Variants in MALRD1 observed in about 807,000 individuals in gnomAD.
MALRD1 encodes MAM and LDL receptor class A domain containing 1.
In MALRD1, 247 loss-of-function variants were observed where a neutral mutation model predicts 242.1. That is an observed-to-expected ratio of 1.02 (90% confidence interval 0.92 to 1.13). The LOEUF is 1.13. MALRD1 is among the 50% of genes most tolerant of loss of function. The probability of loss-of-function intolerance (pLI) is 0.00; values close to 1 mark genes in which losing one functional copy is unlikely to be tolerated. For missense variants in MALRD1, 2,989 were observed against 2,533.1 expected, an observed-to-expected ratio of 1.18 and a Z score of -3.86; for synonymous variants, 995 against 866.6, an observed-to-expected ratio of 1.15 and a Z score of -2.60.
At chr10:19,290,723 C>G (rs2027120) in intron 21 of MALRD1, among the ~76,000 whole-genome samples, 1 of 152,104 alleles carries the variant, frequency 6.6e-6, no homozygotes, top group Non-Finnish European at 1.5e-5. Context: ...TGTGAGTTCT[C>G]TTCAGCTGAG....
In MALRD1 at chr10:19,243,072, T is replaced by G. The variant is rs529938042; in HGVS notation, c.2992-14612T>G. On this transcript the variant is annotated intron_variant, in intron 18 of 39. Transcript: ENST00000454679. ...GCTTTGTTTCTTTTCCCTTTTTTTT[T>G]TTTGTGTGTGTATCCGCTGTAATTT... Among the ~76,000 whole-genome samples, 598 of 140,398 alleles carry G rather than the reference T, an allele frequency of 4.3e-3. 4 individuals are homozygous for G. The highest frequency in any genetic ancestry group is 0.011 in the African/African-American group (403 of 36,028). 92.1% of individuals were successfully genotyped at this position (140,398 alleles called of 152,430 possible).
intron 2 of MALRD1, among the ~76,000 whole-genome samples, chr10:19,083,625 C>G (rs779209549): frequency 6.6e-5 from 10 of 151,788 alleles, no homozygotes; most frequent in Admixed American, 2.0e-4. Context: ...TTCAGAGAAC[C>G]AAAAGACAGG....
intron 14 of MALRD1, among the ~76,000 whole-genome samples, chr10:19,202,636 T>C (rs1836588836): frequency 1.3e-5 from 2 of 152,194 alleles, no homozygotes; most frequent in South Asian, 4.1e-4. Context: ...GGTGTGTCTA[T>C]GCGTTTTATT....
chr10:19,176,712 T>G (rs138148805), intron 14 of MALRD1, among the ~76,000 whole-genome samples: 1 of 152,212 alleles, frequency 6.6e-6, no homozygotes, highest in East Asian at 1.9e-4. Context: ...TGTATTTACT[T>G]TATTCAGAAT....
intron 36 of MALRD1, among the ~76,000 whole-genome samples, chr10:19,651,286 T>A (rs911856315): frequency 2.6e-5 from 4 of 152,210 alleles, no homozygotes; most frequent in African/African-American, 9.6e-5. Context: ...TATGTTGGGA[T>A]GTGCTATGGT....
rs1833728217 is a variant in MALRD1 at position 19,146,412 on chromosome 10, G to T, written c.1558+68G>T. On this transcript the variant is annotated intron_variant, in intron 11 of 39. Coordinates refer to ENST00000454679, the MANE Select transcript of MALRD1 (RefSeq NM_001142308.3). ...GCATGTTGTGGAATGATGATACTGTGTATTTTCATTTCTATTCTGTAGACT... is the reference window on the plus strand; with the variant it reads ...GCATGTTGTGGAATGATGATACTGTTTATTTTCATTTCTATTCTGTAGACT... 5 of 1,170,708 alleles carry T rather than the reference G, an allele frequency of 4.3e-6. No individual in the cohort carries two copies. In the Admixed American group the frequency reaches 1.3e-4, roughly 30 times the overall value. 72.5% of individuals were successfully genotyped at this position (1,170,708 alleles called of 1,614,324 possible).
intron 33 of MALRD1, among the ~76,000 whole-genome samples, chr10:19,591,995 A>C (rs1190952959): frequency 6.6e-6 from 1 of 152,230 alleles, no homozygotes; most frequent in Non-Finnish European, 1.5e-5. Context: ...TGAATGAAGG[A>C]CTGCCTCTTG....
At chr10:19,400,979 G>A (rs1846812901) in intron 28 of MALRD1, among the ~76,000 whole-genome samples, 1 of 152,092 alleles carries the variant, frequency 6.6e-6, no homozygotes, top group African/African-American at 2.4e-5. Context: ...TTGTGCCACT[G>A]CACTCTAGCC....
chr10:19,645,077 A>G (rs776804698), intron 36 of MALRD1, among the ~76,000 whole-genome samples: 5 of 152,188 alleles, frequency 3.3e-5, no homozygotes, highest in Non-Finnish European at 7.3e-5. Context: ...TCTCATTTTC[A>G]TAGTGTCATT....
intron 29 of MALRD1, among the ~76,000 whole-genome samples, chr10:19,474,778 G>C (rs558417507): frequency 6.6e-6 from 1 of 151,980 alleles, no homozygotes; most frequent in Admixed American, 6.6e-5. Flanking sequence ...TATAAATCAA[G>C]AACTGTTTTG....
chr10:19,429,756 C>G (rs1310963471), intron 28 of MALRD1, among the ~76,000 whole-genome samples: 1 of 152,108 alleles, frequency 6.6e-6, no homozygotes, highest in Admixed American at 6.5e-5. Context: ...TCATATTGAT[C>G]AGTTCCATTA....
At chr10:19,713,402 G>A (rs1312865300) in intron 38 of MALRD1, among the ~76,000 whole-genome samples, 1 of 152,196 alleles carries the variant, frequency 6.6e-6, no homozygotes, top group Non-Finnish European at 1.5e-5. Context: ...TATAGTTGGA[G>A]CTCAAATAAT....
intron 29 of MALRD1, among the ~76,000 whole-genome samples, chr10:19,471,825 G>C (rs1364866298): frequency 6.6e-6 from 1 of 151,360 alleles, no homozygotes; most frequent in Non-Finnish European, 1.5e-5. Context: ...TTTTCTTTGT[G>C]GATTCTTCAG....
At chr10:19,203,705 A>G in intron 14 of MALRD1, 23 bp from the exon 15 acceptor site, 1 of 1,506,540 alleles carries the variant, frequency 6.6e-7, no homozygotes, top group Non-Finnish European at 8.9e-7. Context: ...AGCCAACATA[A>G]GAGCCACATT....
intron 36 of MALRD1, among the ~76,000 whole-genome samples, chr10:19,687,198 A>G (rs1198209056): frequency 1.3e-5 from 2 of 152,176 alleles, no homozygotes; most frequent in African/African-American, 2.4e-5. Flanking sequence ...TACAAGTATT[A>G]TTTAATATTT....
At chr10:19,125,360 T>TC (rs371166814) in intron 7 of MALRD1, among the ~76,000 whole-genome samples, 2,687 of 116,552 alleles carry the variant, frequency 0.023, 126 homozygotes, top group South Asian at 0.052. Flanking sequence ...TTTCTTTCTT[T>TC]CTTTCTTTCT....
chr10:19,719,233 T>TACATACATACATAC (rs1441655459), intron 38 of MALRD1, among the ~76,000 whole-genome samples: 3 of 110,472 alleles, frequency 2.7e-5, no homozygotes, highest in South Asian at 2.7e-4. Flanking sequence ...CATATATATA[T>TACATACATACATAC]ATATATATAT....
intron 5 of MALRD1, among the ~76,000 whole-genome samples, chr10:19,107,735 G>A (rs939358561): frequency 2.1e-5 from 3 of 145,740 alleles, no homozygotes; most frequent in East Asian, 4.0e-4. Context: ...TTATCTTTGT[G>A]GTTTGGTGGT....
intron 29 of MALRD1, among the ~76,000 whole-genome samples, chr10:19,471,634 T>C (rs12263161): frequency 0.045 from 6,696 of 147,770 alleles, 529 homozygotes; most frequent in African/African-American, 0.16. Context: ...TTTTTACTTT[T>C]CAGTATGCAT....
Sources: allele counts gnomAD v4.1 joint callset (sites outside exome capture counted in the v4.1 genomes callset), GRCh38; gene constraint gnomAD v4.1.1; transcripts MANE v1.5; gene names NCBI Gene and HGNC (gene_info 2026-07-23, HGNC 2026-07-21).